CACHD1: variants seen among roughly 807,000 people sequenced by gnomAD.
CACHD1 encodes the protein cache domain containing 1, also known as VWFA and cache domain-containing protein 1.
A neutral mutation model predicts 138.7 loss-of-function variants in CACHD1; 71 were observed. The ratio of observed to expected loss-of-function variants is 0.51; its 90% CI spans 0.42 to 0.62. The LOEUF (loss-of-function observed/expected upper bound fraction) is 0.62. Ranked by LOEUF, CACHD1 falls within the 20% of genes least tolerant of loss-of-function variation. CACHD1 has a pLI of 0.00. For synonymous variants in CACHD1, 578 were observed against 591.5 expected, an observed-to-expected ratio of 0.98 and a Z score of 0.33; for missense variants, 1,389 against 1,625.3, an observed-to-expected ratio of 0.85 and a Z score of 2.50.
chr1:64,483,009 CTT>C (rs1343199558), intron 1 of CACHD1, among the ~76,000 whole-genome samples: 1 of 152,144 alleles, frequency 6.6e-6, no homozygotes, highest in Non-Finnish European at 1.5e-5. Flanking sequence ...GACTTTGTAA[CTT>C]TTTAGTAGTT....
intron 4 of CACHD1, among the ~76,000 whole-genome samples, chr1:64,623,869 A>G (rs1648003900): frequency 6.6e-6 from 1 of 152,224 alleles, no homozygotes; most frequent in South Asian, 2.1e-4. Flanking sequence ...TCACCGCTTA[A>G]TGGGTTGGGC....
At chr1:64,642,872 C>G (rs1371546937) in intron 8 of CACHD1, among the ~76,000 whole-genome samples, 1 of 150,776 alleles carries the variant, frequency 6.6e-6, no homozygotes. Context: ...AACCTCGTCT[C>G]TACTAAAAAT....
In CACHD1 at chr1:64,676,028, A is replaced by C. The variant is rs766066157; in HGVS notation, c.2975+45A>C. On this transcript the variant is annotated intron_variant, in intron 21 of 26. Coordinates refer to ENST00000651257, the MANE Select transcript of CACHD1 (RefSeq NM_020925.4). ...TAATAATAATAATAATAATAATAAT[A>C]ATAATAATAATACATATGTAATACT... 7.7e-6 allele frequency: 4 copies of C among 517,150 alleles called. 1 individual carries two copies. The highest frequency in any genetic ancestry group is 5.4e-6 in the Non-Finnish European group (2 of 370,704). 32.0% of individuals were successfully genotyped at this position (517,150 alleles called of 1,614,324 possible). A position where few individuals can be genotyped will look rare whatever the true frequency, so the allele number is the denominator to read the frequency against.
chr1:64,570,418 ATTAGT>A (rs1443069569), intron 2 of CACHD1, among the ~76,000 whole-genome samples: 4 of 152,304 alleles, frequency 2.6e-5, no homozygotes, highest in African/African-American at 9.6e-5. Flanking sequence ...TTAAGCAGCC[ATTAGT>A]TTAGTCCTTT....
chr1:64,676,912 T>A lies in CACHD1; in HGVS notation c.2993T>A (p.Val998Asp). Reference sequence around the variant, plus strand: ...CTGCACAGAAACCCCAGCTGCGAGGTCCACCAGGAGCCGGTGACATACACA... The same window carrying A: ...CTGCACAGAAACCCCAGCTGCGAGGACCACCAGGAGCCGGTGACATACACA... ...NAENRNPSCE[V>D]HQEPVTYTAI... The change falls in exon 22 of 27, where the codon GTC becomes GAC. Residue 998 changes from valine (V) to aspartate (D), a missense_variant. Physicochemically the swap from Val to Asp is radical, Grantham distance 152. This residue lies in a region of CACHD1 where 250 missense variants were observed against 292.9 expected (regional missense o/e 0.85). Transcript: ENST00000651257. 6.2e-7 allele frequency: 1 copy of A among 1,613,552 alleles called. No individual in the cohort carries two copies. Among genetic ancestry groups the A allele is most frequent in the Non-Finnish European group, 8.5e-7 (1 of 1,179,786 alleles).
At chr1:64,541,711 A>G (rs929265935) in intron 1 of CACHD1, among the ~76,000 whole-genome samples, 2 of 152,158 alleles carry the variant, frequency 1.3e-5, no homozygotes, top group African/African-American at 4.8e-5. Context: ...ACGCTCCTGT[A>G]TTTCCAGCTA....
chr1:64,496,240 C>T (rs746648203), intron 1 of CACHD1, among the ~76,000 whole-genome samples: 3 of 152,136 alleles, frequency 2.0e-5, no homozygotes, highest in Non-Finnish European at 4.4e-5. Context: ...AAAATTGCCC[C>T]ACCTCAGTCT....
intron 23 of CACHD1, 29 bp downstream of exon 23, chr1:64,678,339 G>T: frequency 6.6e-7 from 1 of 1,525,910 alleles, no homozygotes; most frequent in South Asian, 1.3e-5. Context: ...CCAACAATTT[G>T]ATTCTTGAAT....
chr1:64,685,864 A>C (rs1030411445), intron 26 of CACHD1, among the ~76,000 whole-genome samples: 1 of 151,942 alleles, frequency 6.6e-6, no homozygotes, highest in Admixed American at 6.6e-5. Flanking sequence ...AAAAGAAAAA[A>C]AAAATGCTGG....
At position 64,518,055 on chromosome 1, in the gene CACHD1, C is replaced by T. The variant is rs571350936; in HGVS notation, c.199-32539C>T. On this transcript the variant is annotated intron_variant, in intron 1 of 26. Coordinates refer to ENST00000651257, the MANE Select transcript of CACHD1 (RefSeq NM_020925.4). ...GGCTTCCCTTACTGAACCAGGAAACCTTTGTAGAGGATCCTGGGAGGTGTT... is the reference window on the plus strand; with the variant it reads ...GGCTTCCCTTACTGAACCAGGAAACTTTTGTAGAGGATCCTGGGAGGTGTT... Among the ~76,000 whole-genome samples, 4 of 152,222 alleles carry T rather than the reference C, an allele frequency of 2.6e-5. No homozygotes were observed. In the East Asian group the frequency reaches 7.7e-4, roughly 29 times the overall value.
chr1:64,647,716 G>T (rs1368560293), intron 8 of CACHD1, 85 bp from the exon 9 acceptor site: 13 of 1,111,330 alleles, frequency 1.2e-5, no homozygotes, highest in Admixed American at 4.1e-5. Flanking sequence ...CCTCATCCAT[G>T]CCCGTATTTG....
chr1:64,653,317 A>G (rs1649157148), intron 10 of CACHD1, among the ~76,000 whole-genome samples: 1 of 151,702 alleles, frequency 6.6e-6, no homozygotes, highest in East Asian at 1.9e-4. Flanking sequence ...AATCTGTACA[A>G]CAAACCCCCG....
intron 1 of CACHD1, among the ~76,000 whole-genome samples, chr1:64,543,491 A>G (rs920939713): frequency 2.7e-5 from 4 of 150,866 alleles, no homozygotes; most frequent in African/African-American, 9.8e-5. Context: ...CGAGAGGATC[A>G]CTTGAGCCCA....
intron 10 of CACHD1, among the ~76,000 whole-genome samples, chr1:64,652,758 G>A (rs559471055): frequency 1.3e-5 from 2 of 152,290 alleles, no homozygotes; most frequent in East Asian, 3.9e-4. Flanking sequence ...TGCTGGCAAG[G>A]TTGCAGAGAA....
intron 9 of CACHD1, among the ~76,000 whole-genome samples, chr1:64,650,143 A>G (rs1398041058): frequency 6.6e-6 from 1 of 152,238 alleles, no homozygotes; most frequent in African/African-American, 2.4e-5. Context: ...TTTATTTGCC[A>G]TAATGGGATC....
chr1:64,589,736 C>G (rs948800483), intron 3 of CACHD1, among the ~76,000 whole-genome samples: 5 of 152,060 alleles, frequency 3.3e-5, no homozygotes, highest in African/African-American at 1.2e-4. Flanking sequence ...TTACTCATCA[C>G]CTATTATTTA....
At chr1:64,566,070 C>T (rs1344078389) in intron 2 of CACHD1, among the ~76,000 whole-genome samples, 1 of 152,158 alleles carries the variant, frequency 6.6e-6, no homozygotes, top group Non-Finnish European at 1.5e-5. Flanking sequence ...GCTTCCTTGA[C>T]CACTCATTTA....
chr1:64,493,389 G>A (rs1646289288), intron 1 of CACHD1, among the ~76,000 whole-genome samples: 1 of 152,068 alleles, frequency 6.6e-6, no homozygotes, highest in South Asian at 2.1e-4. Flanking sequence ...ATATATAGTC[G>A]AGCACTTCAC....
intron 1 of CACHD1, among the ~76,000 whole-genome samples, chr1:64,538,073 C>T (rs1032235054): frequency 6.6e-6 from 1 of 152,142 alleles, no homozygotes; most frequent in Non-Finnish European, 1.5e-5. Context: ...GCATGTGGTG[C>T]TGCAGCCTTT....
Sources: gnomAD v4.1 joint callset for allele counts (sites outside exome capture counted in the v4.1 genomes callset) on GRCh38, gnomAD v4.1.1 for gene constraint, gnomAD v4.1.1 regional missense constraint, MANE v1.5 for transcripts, NCBI Gene and HGNC (gene_info 2026-07-23, HGNC 2026-07-21) for gene names.